EDA: variants seen among roughly 807,000 people sequenced by gnomAD.
The protein encoded by EDA is ectodysplasin-A.
EDA carries 2 observed loss-of-function variants against 23.6 expected under a neutral mutation model. The ratio of observed to expected loss-of-function variants is 0.08; its 90% CI spans 0.03 to 0.27. The LOEUF (loss-of-function observed/expected upper bound fraction) is 0.27. Ranked by LOEUF, EDA falls within the 10% of genes least tolerant of loss-of-function variation. The pLI, the probability that EDA is intolerant of heterozygous loss-of-function variation, is 1.00. For synonymous variants in EDA, 131 were observed against 132.0 expected (o/e 0.99, Z 0.05); for missense variants, 229 against 324.2 (o/e 0.71, Z 2.26).
Position 69,834,532 on chromosome X carries a change from CT to C in EDA, c.397-122478del, listed in dbSNP as rs56353023. Among the ~76,000 whole-genome samples the C allele has an allele frequency of 6.3e-4, 54 of 86,141 alleles. 1 individual carries two copies. The highest frequency in any genetic ancestry group is 0.012 in the Middle Eastern group (2 of 169). 74.8% of individuals were successfully genotyped at this position (86,141 alleles called of 115,157 possible). A position where few individuals can be genotyped will look rare whatever the true frequency, so the allele number is the denominator to read the frequency against. ...TTAGAGACTGGGATTGCAACCCCTG[CT>C]TTTTTTTTTTTTTTTTGCTTTCCAT... On this transcript the variant is annotated intron_variant, in intron 1 of 7. Coordinates refer to ENST00000374552, the MANE Select transcript of EDA (RefSeq NM_001399.5).
intron 1 of EDA, among the ~76,000 whole-genome samples, chrX:69,742,261 G>A (rs181961129): frequency 2.7e-5 from 3 of 111,473 alleles, no homozygotes; most frequent in Admixed American, 9.6e-5. Context: ...AGGTTTGGGT[G>A]TAGGTAAGAA....
rs12115951 is a variant in EDA, at chrX:70,023,444, C to T, written c.526+203C>T. Reference sequence around the variant, plus strand: ...TCAGTGATGATTCACCTCTTTCATTCTTCCTTGTTCTTCTCCCTGCCCTTC... The same window carrying T: ...TCAGTGATGATTCACCTCTTTCATTTTTCCTTGTTCTTCTCCCTGCCCTTC... On this transcript the variant is annotated intron_variant, in intron 3 of 7. Coordinates refer to ENST00000374552, the MANE Select transcript of EDA (RefSeq NM_001399.5). Among the ~76,000 whole-genome samples, 8,684 of 89,348 alleles carry T rather than the reference C, an allele frequency of 0.097. 987 individuals are homozygous for T. Among genetic ancestry groups the T allele is most frequent in the African/African-American group, 0.33 (8,112 of 24,685 alleles). The allele number at this position is 89,348 out of a possible 115,157, so 77.6% of individuals were successfully genotyped here. A position where few individuals can be genotyped will look rare whatever the true frequency, so the allele number is the denominator to read the frequency against.
At chrX:69,855,586 G>T (rs888474221) in intron 1 of EDA, among the ~76,000 whole-genome samples, 5 of 111,438 alleles carry the variant, frequency 4.5e-5, no homozygotes, top group Non-Finnish European at 9.4e-5. Context: ...TTTTTCCATT[G>T]CTTATTTTTG....
intron 1 of EDA, among the ~76,000 whole-genome samples, chrX:69,838,232 C>G (rs2016821076): frequency 8.8e-6 from 1 of 113,004 alleles, no homozygotes; most frequent in Non-Finnish European, 1.9e-5. Flanking sequence ...AGGCATTAGG[C>G]TTAGTTGCCT....
chrX:69,948,237 C>CT (rs200410370), intron 1 of EDA, among the ~76,000 whole-genome samples: 1 of 112,306 alleles, frequency 8.9e-6, no homozygotes, highest in African/African-American at 3.2e-5. Flanking sequence ...AGTAAAAATA[C>CT]TTTTTTTATT....
At chrX:69,965,784 C>A (rs777628818) in intron 2 of EDA, among the ~76,000 whole-genome samples, 1 of 112,370 alleles carries the variant, frequency 8.9e-6, no homozygotes, top group African/African-American at 3.2e-5. Flanking sequence ...CGGTGGCTTA[C>A]GCCTGTAATC....
intron 1 of EDA, among the ~76,000 whole-genome samples, chrX:69,738,386 A>G (rs2013339675): frequency 9.2e-6 from 1 of 108,266 alleles, no homozygotes. Context: ...TAGTTATTTG[A>G]TTCTTCTGTT....
intron 1 of EDA, among the ~76,000 whole-genome samples, chrX:69,728,615 C>T (rs927737127): frequency 8.9e-6 from 1 of 111,834 alleles, no homozygotes; most frequent in Non-Finnish European, 1.9e-5. Context: ...AATAATGAAG[C>T]ATTTTAAGCA....
intron 1 of EDA, among the ~76,000 whole-genome samples, chrX:69,731,808 G>A (rs778815648): frequency 9.0e-6 from 1 of 111,592 alleles, no homozygotes; most frequent in African/African-American, 3.3e-5. Context: ...GAATAGCGGT[G>A]GTGAGAGTCA....
intron 2 of EDA, among the ~76,000 whole-genome samples, chrX:70,017,278 TG>T (rs1365062238): frequency 8.9e-6 from 1 of 111,925 alleles, no homozygotes; most frequent in East Asian, 2.8e-4. Context: ...TTCTACCAGA[TG>T]TACATAGAAG....
intron 1 of EDA, among the ~76,000 whole-genome samples, chrX:69,908,348 A>G (rs1384191815): frequency 9.0e-6 from 1 of 110,589 alleles, no homozygotes; most frequent in East Asian, 2.8e-4. Context: ...TAGCAGTTGG[A>G]GGAATTTACC....
chrX:69,753,277 T>A (rs2013966149), intron 1 of EDA, among the ~76,000 whole-genome samples: 1 of 112,027 alleles, frequency 8.9e-6, no homozygotes, highest in Non-Finnish European at 1.9e-5. Context: ...GTATGTTGTG[T>A]CTTTGTTCGC....
intron 1 of EDA, among the ~76,000 whole-genome samples, chrX:69,669,134 T>A (rs1164827899): frequency 9.0e-6 from 1 of 111,631 alleles, no homozygotes; most frequent in Non-Finnish European, 1.9e-5. Flanking sequence ...GAATAGCTTT[T>A]CCCATTCCTT....
chrX:69,859,227 C>G (rs2017325292), intron 1 of EDA, among the ~76,000 whole-genome samples: 3 of 109,859 alleles, frequency 2.7e-5, no homozygotes, highest in African/African-American at 9.9e-5. Flanking sequence ...ATGTCTCTAT[C>G]TCCTTCAGTT....
At chrX:69,833,850 C>T (rs190778324) in intron 1 of EDA, among the ~76,000 whole-genome samples, 89 of 110,366 alleles carry the variant, frequency 8.1e-4, no homozygotes, top group Non-Finnish European at 1.5e-3. Flanking sequence ...ATGTGCACAA[C>T]GTGCAGGTTT....
intron 1 of EDA, among the ~76,000 whole-genome samples, chrX:69,751,768 A>G (rs2804376): frequency 0.27 from 29,085 of 106,954 alleles, 2,910 homozygotes; most frequent in Middle Eastern, 0.52. Flanking sequence ...ATTCCTAGGT[A>G]TTTTATTCCC....
At chrX:69,749,697 G>C (rs1278386608) in intron 1 of EDA, 1 of 111,299 alleles carries the variant, frequency 9.0e-6, no homozygotes, top group Non-Finnish European at 1.9e-5. Flanking sequence ...GTCTCTTCTT[G>C]GCTGCAGGAA....
chrX:69,623,733 T>G (rs190767459), intron 1 of EDA, among the ~76,000 whole-genome samples: 1 of 107,985 alleles, frequency 9.3e-6, no homozygotes, highest in Non-Finnish European at 1.9e-5. Context: ...ACAGGAACAA[T>G]GCAAGGTAGA....
chrX:69,769,567 A>C (rs2014567261), intron 1 of EDA, among the ~76,000 whole-genome samples: 1 of 110,766 alleles, frequency 9.0e-6, no homozygotes, highest in African/African-American at 3.3e-5. Flanking sequence ...TTTGCTTTTT[A>C]TTTATCCCAG....
Sources: gnomAD v4.1 joint callset for allele counts (sites outside exome capture counted in the v4.1 genomes callset) on GRCh38, gnomAD v4.1.1 for gene constraint, MANE v1.5 for transcripts, NCBI Gene and HGNC (gene_info 2026-07-23, HGNC 2026-07-21) for gene names.